The following RBFOX1 variants were observed in gnomAD, a reference collection of about 807,000 sequenced individuals.
The protein encoded by RBFOX1 is RNA binding protein fox-1 homolog 1.
In RBFOX1, 8 loss-of-function variants were observed where a neutral mutation model predicts 57.7. That is an observed-to-expected ratio of 0.14 (90% CI 0.08 to 0.25). The LOEUF (loss-of-function observed/expected upper bound fraction) is 0.25, where lower values mean the gene tolerates loss of function less well. Among genes scored for constraint, RBFOX1 ranks in the 10% least tolerant of loss-of-function variants. The pLI is 1.00. For missense variants in RBFOX1, 611 were observed against 548.5 expected, an observed-to-expected ratio of 1.11 and a Z score of -1.14; for synonymous variants, 326 against 222.4, an observed-to-expected ratio of 1.47 and a Z score of -4.15.
At position 6,956,483 on chromosome 16, in the gene RBFOX1, G is replaced by T. The variant is rs546897193; in HGVS notation, c.-15-95574G>T. On this transcript the variant is annotated intron_variant, in intron 3 of 15. Coordinates refer to ENST00000550418, the MANE Select transcript of RBFOX1 (RefSeq NM_018723.4). Reference sequence around the variant, plus strand: ...TTGTCATCGTCTTCTCAAAGAGATGGTATTGAAGATTTTAATTTCAGAGTA... The same window carrying T: ...TTGTCATCGTCTTCTCAAAGAGATGTTATTGAAGATTTTAATTTCAGAGTA... Among the ~76,000 whole-genome samples, 69 of 152,280 alleles carry T rather than the reference G, an allele frequency of 4.5e-4. 2 individuals are homozygous for T. In the South Asian group the frequency reaches 0.014, roughly 30 times the overall value.
intron 3 of RBFOX1, among the ~76,000 whole-genome samples, chr16:6,924,160 C>G (rs563465539): frequency 7.9e-5 from 10 of 126,574 alleles, no homozygotes; most frequent in African/African-American, 2.4e-4. Context: ...CAGGAAGACT[C>G]TGTCTCAAAA....
chr16:6,423,986 T>C (rs7198818), intron 2 of RBFOX1, among the ~76,000 whole-genome samples: 1,834 of 152,240 alleles, frequency 0.012, 47 homozygotes, highest in African/African-American at 0.042. Context: ...ACGCCTGTAA[T>C]CTCAGCGCTT....
intron 1 of RBFOX1, among the ~76,000 whole-genome samples, chr16:5,318,435 C>G (rs557026893): frequency 2.0e-5 from 3 of 152,208 alleles, no homozygotes; most frequent in East Asian, 3.9e-4. Context: ...AGCACATCTA[C>G]TGATATCTAA....
chr16:6,257,257 T>G (rs1482690148), intron 1 of RBFOX1, among the ~76,000 whole-genome samples: 1 of 152,010 alleles, frequency 6.6e-6, no homozygotes, highest in African/African-American at 2.4e-5. Flanking sequence ...ATCCCGATGC[T>G]CTCCCTCCCC....
intron 2 of RBFOX1, among the ~76,000 whole-genome samples, chr16:6,457,669 A>T (rs568702887): frequency 6.6e-6 from 1 of 152,226 alleles, no homozygotes; most frequent in African/African-American, 2.4e-5. Flanking sequence ...CCTGGAAATT[A>T]TTGCCTCTTT....
At chr16:5,562,264 T>C (rs966528132) in intron 2 of RBFOX1, among the ~76,000 whole-genome samples, 1 of 152,214 alleles carries the variant, frequency 6.6e-6, no homozygotes, top group African/African-American at 2.4e-5. Flanking sequence ...TGCAGTTATA[T>C]GTCAAGTAGG....
intron 3 of RBFOX1, among the ~76,000 whole-genome samples, chr16:6,702,767 A>G (rs181828320): frequency 2.0e-4 from 31 of 152,306 alleles, no homozygotes; most frequent in Non-Finnish European, 7.3e-5. Flanking sequence ...TTATGGTAAA[A>G]TAGACATAAC....
intron 3 of RBFOX1, among the ~76,000 whole-genome samples, chr16:6,836,067 A>G (rs963755071): frequency 2.6e-5 from 4 of 152,240 alleles, no homozygotes; most frequent in Admixed American, 1.3e-4. Flanking sequence ...TAGCTAGCTC[A>G]GCTCTGCTAC....
At chr16:6,730,295 G>C (rs1449420019) in intron 3 of RBFOX1, among the ~76,000 whole-genome samples, 1 of 152,102 alleles carries the variant, frequency 6.6e-6, no homozygotes, top group Non-Finnish European at 1.5e-5. Context: ...GGTAGCAATG[G>C]TGAGAATCCC....
chr16:7,137,264 C>T (rs762170671), intron 4 of RBFOX1, among the ~76,000 whole-genome samples: 1 of 152,146 alleles, frequency 6.6e-6, no homozygotes, highest in African/African-American at 2.4e-5. Flanking sequence ...CTATTCTGAC[C>T]AGCACAGGTG....
At chr16:5,281,660 C>T (rs1852673) in intron 1 of RBFOX1, among the ~76,000 whole-genome samples, 48,943 of 152,004 alleles carry the variant, frequency 0.32, 7,905 homozygotes, top group Non-Finnish European at 0.33. Flanking sequence ...CTGAATTGAT[C>T]CCTTTATTAC....
At chr16:7,514,863 T>C (rs897894072) in intron 4 of RBFOX1, among the ~76,000 whole-genome samples, 1 of 152,202 alleles carries the variant, frequency 6.6e-6, no homozygotes, top group African/African-American at 2.4e-5. Context: ...CTGAGCTTGC[T>C]CTGCACTGAT....
chr16:6,977,939 A>G, intron 3 of RBFOX1, among the ~76,000 whole-genome samples: 1 of 110,758 alleles, frequency 9.0e-6, no homozygotes, highest in Admixed American at 8.9e-5. Flanking sequence ...TCCCCAGGGA[A>G]AAAAAAAAAA....
intron 1 of RBFOX1, among the ~76,000 whole-genome samples, chr16:5,422,472 A>G (rs1343467748): frequency 4.5e-5 from 5 of 111,672 alleles, no homozygotes; most frequent in Non-Finnish European, 9.2e-5. Context: ...GGGAGGGGGA[A>G]GAAAGGAGGA....
intron 1 of RBFOX1, among the ~76,000 whole-genome samples, chr16:5,278,739 T>G (rs746068358): frequency 7.5e-4 from 114 of 152,272 alleles, no homozygotes; most frequent in Non-Finnish European, 1.2e-3. Flanking sequence ...GTTTAAGTCT[T>G]TAATCAATTT....
At chr16:6,953,062 G>T (rs1318487315) in intron 3 of RBFOX1, among the ~76,000 whole-genome samples, 1 of 152,234 alleles carries the variant, frequency 6.6e-6, no homozygotes, top group East Asian at 1.9e-4. Flanking sequence ...TATATTGCAG[G>T]TGGCGAAACC....
intron 4 of RBFOX1, among the ~76,000 whole-genome samples, chr16:7,449,102 T>A (rs1567221438): frequency 6.6e-6 from 1 of 151,986 alleles, no homozygotes; most frequent in Non-Finnish European, 1.5e-5. Flanking sequence ...GCTAACTTTG[T>A]ATTTTTAGTA....
rs1419717159 is a variant in RBFOX1 at position 6,457,982 on chromosome 16, C to T, written c.-64+140925C>T. Among the ~76,000 whole-genome samples, 3 of 148,766 alleles carry T rather than the reference C, an allele frequency of 2.0e-5. No individual in the cohort carries two copies. In the East Asian group the frequency reaches 6.0e-4, roughly 30 times the overall value. On this transcript the variant is annotated intron_variant, in intron 2 of 15. Coordinates refer to ENST00000550418, the MANE Select transcript of RBFOX1 (RefSeq NM_018723.4). ...ATGTGCAAACAGATGCGTGTGCACA[C>T]ACATACATAGGTTTGTGTTCTCAAA...
At chr16:7,262,190 T>G (rs2094944208) in intron 4 of RBFOX1, among the ~76,000 whole-genome samples, 1 of 152,170 alleles carries the variant, frequency 6.6e-6, no homozygotes, top group South Asian at 2.1e-4. Flanking sequence ...ATATTGAAAT[T>G]TAGGAAATGA....
Sources: allele counts gnomAD v4.1 joint callset (sites outside exome capture counted in the v4.1 genomes callset), GRCh38; gene constraint gnomAD v4.1.1; transcripts MANE v1.5; gene names NCBI Gene and HGNC (gene_info 2026-07-23, HGNC 2026-07-21).